The following MPP7 variants were observed in gnomAD, a reference collection of about 807,000 sequenced individuals.
MPP7 encodes MAGUK p55 subfamily member 7.
MPP7 carries 60 observed loss-of-function variants against 76.5 expected under a neutral mutation model. The ratio of observed to expected loss-of-function variants is 0.78; its 90% confidence interval spans 0.64 to 0.97. The LOEUF (loss-of-function observed/expected upper bound fraction) is 0.97, where lower values mean the gene tolerates loss of function less well. Ranked by LOEUF, MPP7 falls within the 50% of genes least tolerant of loss-of-function variation. MPP7 has a pLI of 0.00. For synonymous variants in MPP7, 237 were observed against 244.5 expected (o/e 0.97, Z 0.29); for missense variants, 641 against 694.0 (o/e 0.92, Z 0.86).
At chr10:28,134,520 A>T (rs1435454722) in intron 5 of MPP7, among the ~76,000 whole-genome samples, 1 of 152,178 alleles carries the variant, frequency 6.6e-6, no homozygotes, top group East Asian at 1.9e-4. Flanking sequence ...TAATGAGCTC[A>T]ATAAATGTTT....
intron 3 of MPP7, among the ~76,000 whole-genome samples, chr10:28,186,697 T>G (rs2997210): frequency 6.6e-6 from 1 of 152,108 alleles, no homozygotes; most frequent in Non-Finnish European, 1.5e-5. Flanking sequence ...TATCCAAAAA[T>G]AGCACAATCC....
intron 3 of MPP7, among the ~76,000 whole-genome samples, chr10:28,162,635 G>A (rs938678343): frequency 6.6e-6 from 1 of 152,178 alleles, no homozygotes; most frequent in Non-Finnish European, 1.5e-5. Context: ...TAGGTGTGCA[G>A]CAGGCGGCCT....
chr10:28,107,570 G>A (rs1317096711), intron 11 of MPP7, among the ~76,000 whole-genome samples: 1 of 152,122 alleles, frequency 6.6e-6, no homozygotes, highest in Admixed American at 6.6e-5. Context: ...TTCATCCAAT[G>A]AGATATTAGC....
intron 7 of MPP7, 72 bp from the exon 8 acceptor site, chr10:28,124,188 T>C (rs528266959): frequency 2.0e-6 from 2 of 995,268 alleles, no homozygotes; most frequent in South Asian, 2.6e-5. Flanking sequence ...GCTGTTTCCA[T>C]AAGTAAAGCA....
chr10:28,333,848 A>G (rs1226572299), intron 1 of MPP7, among the ~76,000 whole-genome samples: 2 of 152,180 alleles, frequency 1.3e-5, no homozygotes, highest in Non-Finnish European at 2.9e-5. Flanking sequence ...GATGTAGATG[A>G]AAAATTTGGG....
chr10:28,298,386 T>G (rs1469079955), intron 1 of MPP7, among the ~76,000 whole-genome samples: 1 of 152,234 alleles, frequency 6.6e-6, no homozygotes, highest in Admixed American at 6.5e-5. Flanking sequence ...ATTAATTTCC[T>G]TGTACATCTC....
chr10:28,101,375 C>G (rs1432005740), intron 11 of MPP7, among the ~76,000 whole-genome samples: 2 of 151,940 alleles, frequency 1.3e-5, no homozygotes, highest in Non-Finnish European at 1.5e-5. Flanking sequence ...ATAAAACATG[C>G]AGATAACTTG....
At chr10:28,128,949 A>G (rs1286578823) in intron 6 of MPP7, among the ~76,000 whole-genome samples, 1 of 152,214 alleles carries the variant, frequency 6.6e-6, no homozygotes, top group Non-Finnish European at 1.5e-5. Flanking sequence ...ATAGACAGAG[A>G]TAAGTGCCCT....
At chr10:28,265,248 T>C (rs77924331) in intron 1 of MPP7, among the ~76,000 whole-genome samples, 12,991 of 152,322 alleles carry the variant, frequency 0.085, 719 homozygotes, top group Non-Finnish European at 0.12. Flanking sequence ...AACAGAATTA[T>C]GAGCTCAGCT....
upstream of MPP7, among the ~76,000 whole-genome samples, chr10:28,306,668 T>TAGATAGAGAGAGAGAG (rs113787029): frequency 1.0e-4 from 15 of 148,510 alleles, no homozygotes; most frequent in East Asian, 9.8e-4. Flanking sequence ...GATAGATAGA[T>TAGATAGAGAGAGAGAG]AGAGAGAGAG....
rs147717177 is a variant in MPP7 at position 28,112,434 on chromosome 10, A to G, written c.952+7217T>C. On this transcript the variant is annotated intron_variant, in intron 11 of 16. Coordinates refer to ENST00000683449, the MANE Select transcript of MPP7 (RefSeq NM_001318170.2). The stretch of plus-strand genomic sequence containing the variant: ...AACAAAAAATTAAAACACCAATGCC[A>G]ATCCACAAAAAAATCTGTAATTTAT... Among the ~76,000 whole-genome samples the G allele has an allele frequency of 8.5e-5, 13 of 152,352 alleles. No individual in the cohort carries two copies. The East Asian group carries it at 2.5e-3, about 29-fold the overall frequency.
chr10:28,094,159 A>G (rs1436007833), intron 11 of MPP7, among the ~76,000 whole-genome samples: 2 of 152,214 alleles, frequency 1.3e-5, no homozygotes, highest in Non-Finnish European at 2.9e-5. Flanking sequence ...ACTTGTTCAC[A>G]TCGGTTTTTC....
At chr10:28,298,742 A>C (rs999938836) in intron 1 of MPP7, among the ~76,000 whole-genome samples, 3 of 152,300 alleles carry the variant, frequency 2.0e-5, no homozygotes, top group South Asian at 2.1e-4. Context: ...TTCCAATATA[A>C]GGCTGTTTCA....
upstream of MPP7, among the ~76,000 whole-genome samples, chr10:28,306,664 T>TAGAGAGAGAGAGAGAG (rs772241963): frequency 1.2e-4 from 5 of 41,266 alleles, no homozygotes; most frequent in African/African-American, 4.1e-4. Flanking sequence ...AGATGATAGA[T>TAGAGAGAGAGAGAGAG]AGATAGAGAG....
At chr10:28,092,760 T>TTTTTTTTTTA (rs60093827) in intron 11 of MPP7, among the ~76,000 whole-genome samples, 2 of 145,678 alleles carry the variant, frequency 1.4e-5, no homozygotes, top group East Asian at 2.0e-4. Flanking sequence ...TTTTTTTTTT[T>TTTTTTTTTTA]GAAGAGATAA....
At chr10:28,217,085 CCT>C (rs1477705300) in intron 2 of MPP7, among the ~76,000 whole-genome samples, 1 of 152,020 alleles carries the variant, frequency 6.6e-6, no homozygotes, top group African/African-American at 2.4e-5. Context: ...CTTGCAGGTT[CCT>C]GTTTATAGTT....
chr10:28,175,770 G>GTT (rs1836839449), intron 3 of MPP7, among the ~76,000 whole-genome samples: 1 of 152,126 alleles, frequency 6.6e-6, no homozygotes, highest in Non-Finnish European at 1.5e-5. Context: ...AGAAAAACTT[G>GTT]TAAGAGCTCA....
chr10:28,223,666 T>C (rs1212695834), intron 2 of MPP7, among the ~76,000 whole-genome samples: 3 of 152,094 alleles, frequency 2.0e-5, no homozygotes, highest in African/African-American at 7.2e-5. Flanking sequence ...AGGATTAGTT[T>C]ACAGTAGTAA....
At chr10:28,125,161 A>C in intron 6 of MPP7, 70 bp from the exon 7 acceptor site, 1 of 1,286,012 alleles carries the variant, frequency 7.8e-7, no homozygotes, top group Non-Finnish European at 1.1e-6. Context: ...GGAGGAAATA[A>C]GGACATTCAT....
Sources: gnomAD v4.1 joint callset for allele counts (sites outside exome capture counted in the v4.1 genomes callset) on GRCh38, gnomAD v4.1.1 for gene constraint, MANE v1.5 for transcripts, NCBI Gene and HGNC (gene_info 2026-07-23, HGNC 2026-07-21) for gene names.